Variants in DDX60 observed in about 807,000 individuals in gnomAD.
DDX60 encodes DExD/H-box helicase 60, also known as probable ATP-dependent RNA helicase DDX60.
Under a neutral mutation model 212.8 loss-of-function variants are expected in DDX60, and 165 were observed. That is an observed-to-expected ratio of 0.78 (90% CI 0.68 to 0.88). The LOEUF (loss-of-function observed/expected upper bound fraction) is 0.88, where lower values mean the gene tolerates loss of function less well. Ranked by LOEUF, DDX60 falls within the 40% of genes least tolerant of loss-of-function variation. The pLI is 0.00. For synonymous variants in DDX60, 703 were observed against 685.3 expected, an observed-to-expected ratio of 1.03 and a Z score of -0.40; for missense variants, 1,905 against 2,003.9, an observed-to-expected ratio of 0.95 and a Z score of 0.94.
chr4:168,223,218 C>T (rs17053808), intron 35 of DDX60, among the ~76,000 whole-genome samples: 4,154 of 151,828 alleles, frequency 0.027, 193 homozygotes, highest in African/African-American at 0.094. Context: ...TCATTTAGTT[C>T]GATGCTTTAG....
intron 3 of DDX60, among the ~76,000 whole-genome samples, chr4:168,309,478 T>TA (rs59107380): frequency 0.19 from 29,353 of 152,034 alleles, 2,927 homozygotes; most frequent in South Asian, 0.28. Context: ...GCAGCAGTCA[T>TA]AAAAATCTTG....
At chr4:168,319,960 C>G (rs767832739), upstream of DDX60, among the ~76,000 whole-genome samples, 1 of 152,086 alleles carries the variant, frequency 6.6e-6, no homozygotes, top group Non-Finnish European at 1.5e-5. Context: ...ATCCATCAGA[C>G]AATTACTTGT....
rs1385154871 is a variant in DDX60 at position 168,308,093 on chromosome 4, C to T, written c.177G>A (p.Gly59=). The change falls in exon 4 of 38, where the codon GGG becomes GGA. Residue 59 remains glycine (G), a synonymous_variant. Coordinates refer to ENST00000393743, the MANE Select transcript of DDX60 (RefSeq NM_017631.6). ...TCICEISFKP[G]QNLHFFYLVE... is the part of the protein sequence containing the mutation. ...CCAGATAGAAGAAATGGAGGTTCTG[C>T]CCAGGCTTAAATGATATCTCACAGA... 6.2e-7 allele frequency: 1 copy of T among 1,611,708 alleles called. No homozygotes were observed. Among genetic ancestry groups the T allele is most frequent in the South Asian group, 1.1e-5 (1 of 90,584 alleles).
Position 168,251,062 on chromosome 4 carries a change from A to G in DDX60, c.3750T>C (p.Gly1250=). The G allele has an allele frequency of 6.2e-7, 1 of 1,613,566 alleles. No homozygotes were observed. Residue 1250 remains glycine (G), a synonymous_variant, in exon 28 of 38, where the codon GGT becomes GGC. Transcript: ENST00000393743. The part of the protein sequence containing the change: ...VFGRVKFERK[G]EELKALAERG... Reference sequence around the variant, plus strand: ...TTTCTGCCAAGGCTTTCAATTCTTCACCTTTTCTTTCAAATTTTACTCGAC... The same window carrying G: ...TTTCTGCCAAGGCTTTCAATTCTTCGCCTTTTCTTTCAAATTTTACTCGAC...
chr4:168,261,167 T>C (rs564465723), intron 24 of DDX60, among the ~76,000 whole-genome samples, 178 bp from the exon 25 acceptor site: 1 of 152,202 alleles, frequency 6.6e-6, no homozygotes, highest in East Asian at 1.9e-4. Flanking sequence ...TACAAACCCA[T>C]ACACTAGAGA....
chr4:168,287,454 G>A (rs1204358092), intron 9 of DDX60, among the ~76,000 whole-genome samples: 4 of 152,028 alleles, frequency 2.6e-5, no homozygotes, highest in Non-Finnish European at 5.9e-5. Flanking sequence ...ACCCACAAAC[G>A]CATCGTGAAC....
In DDX60 at chr4:168,283,516, G is replaced by A. The variant is rs761677522; in HGVS notation, c.1652C>T (p.Ser551Leu). Residue 551 changes from serine to leucine, a missense_variant, in exon 13 of 38, where the codon TCG becomes TTG. Ser to Leu is a moderately radical substitution (Grantham distance 145). Coordinates refer to ENST00000393743, the MANE Select transcript of DDX60 (RefSeq NM_017631.6). ...AATAGTTTGAGTCACGATGATTTTCGAAGAGACTGTTTCTAATGAATTCCC... is the reference window on the plus strand; with the variant it reads ...AATAGTTTGAGTCACGATGATTTTCAAAGAGACTGTTTCTAATGAATTCCC... ...FYGNSLETVSSKIIVTQTIKS... is the reference protein window; with the variant it reads ...FYGNSLETVSLKIIVTQTIKS... The A allele has an allele frequency of 2.3e-5, 37 of 1,613,320 alleles. No individual in the cohort carries two copies. The highest frequency in any genetic ancestry group is 9.9e-5 in the South Asian group (9 of 91,066).
chr4:168,240,635 G>A (rs983281602), intron 30 of DDX60, among the ~76,000 whole-genome samples: 1 of 152,002 alleles, frequency 6.6e-6, no homozygotes, highest in Non-Finnish European at 1.5e-5. Flanking sequence ...AGAGAACTCA[G>A]AAACAAGACT....
intron 17 of DDX60, 128 bp downstream of exon 17, chr4:168,273,806 C>T (rs547937521): frequency 1.9e-6 from 2 of 1,050,722 alleles, no homozygotes; most frequent in African/African-American, 3.2e-5. Context: ...ATTTTAGCTT[C>T]AGACACTGAA....
intron 1 of DDX60, among the ~76,000 whole-genome samples, chr4:168,317,959 T>C (rs1737473332): frequency 6.6e-6 from 1 of 152,186 alleles, no homozygotes; most frequent in Non-Finnish European, 1.5e-5. Flanking sequence ...AGGCCACAGC[T>C]CTGACACCTT....
chr4:168,285,961 G>GGAAA (rs747272489), intron 10 of DDX60, among the ~76,000 whole-genome samples: 1 of 95,948 alleles, frequency 1.0e-5, no homozygotes, highest in Admixed American at 1.1e-4. Flanking sequence ...GGGAGGGAAA[G>GGAAA]GAAAGAATGA....
chr4:168,238,543 T>C (rs1321648052), intron 30 of DDX60, among the ~76,000 whole-genome samples: 1 of 149,178 alleles, frequency 6.7e-6, no homozygotes, highest in Non-Finnish European at 1.5e-5. Flanking sequence ...GAAGAAAGAG[T>C]GGAAGCGTAG....
Position 168,268,058 on chromosome 4 carries a change from AG to A in DDX60, c.2787-76del, listed in dbSNP as rs1734928339. On this transcript the variant is annotated intron_variant, in intron 20 of 37. Transcript: ENST00000393743. ...CTGTGAAATTAAGTAGTTTAAGTAA[AG>A]ACAATTTCATCTTCCTTATAAAGTG... The A allele has an allele frequency of 1.1e-5, 14 of 1,278,680 alleles. 1 individual carries two copies. In the South Asian group the frequency reaches 2.1e-4, roughly 19 times the overall value. The allele number at this position is 1,278,680 out of a possible 1,614,324, so 79.2% of individuals were successfully genotyped here.
chr4:168,308,217 A>G, intron 3 of DDX60, 22 bp from the exon 4 acceptor site: 1 of 1,366,600 alleles, frequency 7.3e-7, no homozygotes, highest in Non-Finnish European at 1.0e-6. Context: ...AACAGTTAAA[A>G]CAAAAATCAC....
intron 19 of DDX60, 22 bp from the exon 20 acceptor site, chr4:168,268,991 ATCTCAACTG>A: frequency 4.6e-6 from 5 of 1,095,696 alleles, no homozygotes; most frequent in Non-Finnish European, 6.5e-6. Flanking sequence ...AAAAAAAAAA[ATCTCAACTG>A]AAAAGTTGAT....
chr4:168,285,302 A>T, intron 11 of DDX60, 91 bp downstream of exon 11: 2 of 777,794 alleles, frequency 2.6e-6, no homozygotes, highest in Non-Finnish European at 2.1e-6. Flanking sequence ...CATGTAATGT[A>T]CTCTAATCGT....
At chr4:168,287,407 T>C (rs955705093) in intron 9 of DDX60, among the ~76,000 whole-genome samples, 4 of 152,198 alleles carry the variant, frequency 2.6e-5, no homozygotes, top group Admixed American at 1.3e-4. Flanking sequence ...CTTGTTTTTA[T>C]TGTTAATAAC....
At chr4:168,269,495 G>A (rs189827706) in intron 19 of DDX60, among the ~76,000 whole-genome samples, 8 of 152,166 alleles carry the variant, frequency 5.3e-5, no homozygotes, top group South Asian at 4.2e-4. Context: ...CAGCTACTTC[G>A]GAGGCTGAGG....
intron 19 of DDX60, among the ~76,000 whole-genome samples, chr4:168,269,514 T>C (rs1734999866): frequency 6.6e-6 from 1 of 151,952 alleles, no homozygotes; most frequent in African/African-American, 2.4e-5. Flanking sequence ...GGCAGGAGAA[T>C]GGCGTGAACC....
Sources: allele counts gnomAD v4.1 joint callset (sites outside exome capture counted in the v4.1 genomes callset), GRCh38; gene constraint gnomAD v4.1.1; transcripts MANE v1.5; gene names NCBI Gene and HGNC (gene_info 2026-07-23, HGNC 2026-07-21).